Variants in ADARB1 observed in about 807,000 individuals in gnomAD.
ADARB1 encodes double-stranded RNA-specific editase 1.
A neutral mutation model predicts 52.4 loss-of-function variants in ADARB1; 10 were observed. That is an observed-to-expected ratio of 0.19 (90% CI 0.12 to 0.32). The LOEUF (loss-of-function observed/expected upper bound fraction) is 0.32, where lower values mean the gene tolerates loss of function less well. Among genes scored for constraint, ADARB1 ranks in the 10% least tolerant of loss-of-function variants. ADARB1 has a pLI of 1.00. For synonymous variants in ADARB1, 349 were observed against 371.1 expected (o/e 0.94, Z 0.68); for missense variants, 643 against 922.3 (o/e 0.70, Z 3.92).
At chr21:45,145,692 T>C (rs913982593) in intron 2 of ADARB1, 4 of 152,262 alleles carry the variant, frequency 2.6e-5, no homozygotes, top group African/African-American at 9.6e-5. Flanking sequence ...ACAGAACAAC[T>C]GCCTTCATTG....
intron 1 of ADARB1, among the ~76,000 whole-genome samples, chr21:45,116,767 C>G (rs2087849827): frequency 6.6e-6 from 1 of 152,230 alleles, no homozygotes; most frequent in Admixed American, 6.5e-5. Flanking sequence ...ATCACGAAAA[C>G]AGCATGAGGG....
chr21:45,183,618 T>C, intron 7 of ADARB1, 108 bp downstream of exon 7: 3 of 1,282,078 alleles, frequency 2.3e-6, no homozygotes, highest in Non-Finnish European at 3.2e-6. Flanking sequence ...ATTTTTAGAC[T>C]TGGATGTGGA....
intron 1 of ADARB1, among the ~76,000 whole-genome samples, chr21:45,079,358 A>T (rs536172319): frequency 6.6e-6 from 1 of 152,382 alleles, no homozygotes; most frequent in African/African-American, 2.4e-5. Flanking sequence ...AAAAAGGAAA[A>T]TACAAGTAAA....
intron 8 of ADARB1, among the ~76,000 whole-genome samples, chr21:45,198,554 TAGA>T (rs2092479501): frequency 6.7e-6 from 1 of 148,398 alleles, no homozygotes; most frequent in Admixed American, 6.7e-5. Flanking sequence ...ATTAAGAAAA[TAGA>T]AGGAAGGAGA....
intron 1 of ADARB1, among the ~76,000 whole-genome samples, chr21:45,091,820 C>T (rs185833356): frequency 5.1e-4 from 78 of 152,278 alleles, no homozygotes; most frequent in Non-Finnish European, 8.5e-4. Context: ...CGAGTTTAAC[C>T]GTGGGCTAGG....
intron 2 of ADARB1, among the ~76,000 whole-genome samples, chr21:45,139,803 T>G (rs193122264): frequency 2.6e-5 from 4 of 152,342 alleles, no homozygotes; most frequent in African/African-American, 9.6e-5. Context: ...TCATTCTTCT[T>G]GAAATATGTG....
intron 9 of ADARB1, among the ~76,000 whole-genome samples, chr21:45,212,796 T>C (rs959725199): frequency 6.6e-6 from 1 of 151,910 alleles, no homozygotes; most frequent in African/African-American, 2.4e-5. Context: ...ATCAAACTTA[T>C]GAGGAAAATA....
intron 1 of ADARB1, among the ~76,000 whole-genome samples, chr21:45,095,848 C>G (rs2086736632): frequency 6.6e-6 from 1 of 152,172 alleles, no homozygotes; most frequent in South Asian, 2.1e-4. Context: ...GTAAGGGTCT[C>G]CCACAGCCAG....
chr21:45,221,940 T>G lies in ADARB1; in HGVS notation c.1927-78T>G. 6.8e-7 allele frequency: 1 copy of G among 1,481,176 alleles called. No homozygotes were observed. Among genetic ancestry groups the G allele is most frequent in the Non-Finnish European group, 9.3e-7 (1 of 1,080,462 alleles). 91.8% of individuals were successfully genotyped at this position (1,481,176 alleles called of 1,614,324 possible). On this transcript the variant is annotated intron_variant, in intron 10 of 10. Transcript: ENST00000348831. This position sits in a 1 kb window ranked among gnomAD's most constrained non-coding sequence, Gnocchi z 4.9. ...GAAGCCAATGCAGTTCTGAAGGCCA[T>G]GTTTTGGTATCTTATTAGGTGTTGT...
At position 45,176,228 on chromosome 21, in the gene ADARB1, T is replaced by C; in HGVS notation, c.527T>C (p.Leu176Pro). ...TSDQADFPDT[L>P]FNGFETPDKA... is the part of the protein sequence containing the mutation. ...GACCAGGCCGACTTCCCTGACACGC[T>C]CTTCAATGGTTTTGAAACTCCTGAC... Residue 176 changes from leucine (L) to proline (P), a missense_variant, in exon 4 of 11, where the codon CTC becomes CCC. Leu to Pro is a moderately conservative substitution (Grantham distance 98). Transcript: ENST00000348831. The surrounding 1 kb of genome is among the most constrained non-coding windows in gnomAD (Gnocchi z 5.8). The C allele has an allele frequency of 6.2e-7, 1 of 1,614,204 alleles. No homozygotes were observed. The highest frequency in any genetic ancestry group is 8.5e-7 in the Non-Finnish European group (1 of 1,180,030).
At chr21:45,175,671 T>C (rs972299463) in intron 3 of ADARB1, 59 bp from the exon 4 acceptor site, 2 of 1,536,994 alleles carry the variant, frequency 1.3e-6, no homozygotes, top group Non-Finnish European at 1.8e-6. Context: ...TCTATAAATT[T>C]TGCATTTACA....
At chr21:45,119,113 A>G (rs1289836792) in intron 1 of ADARB1, among the ~76,000 whole-genome samples, 2 of 152,174 alleles carry the variant, frequency 1.3e-5, no homozygotes, top group African/African-American at 4.8e-5. Context: ...ATTTAGAGGC[A>G]GGGTCTCGCT....
chr21:45,160,258 G>T lies in ADARB1; in HGVS notation c.-47-11352G>T, dbSNP rs527470393. Among the ~76,000 whole-genome samples, 8 of 152,364 alleles carry T rather than the reference G, an allele frequency of 5.3e-5. No homozygotes were observed. In the South Asian group the frequency reaches 1.7e-3, roughly 32 times the overall value. ...GGAATTAACCTCCATCATTTTCACA[G>T]ATCCTCGTAGAGCTGGACCGAAGGA... On this transcript the variant is annotated intron_variant, in intron 2 of 10. Transcript: ENST00000348831.
chr21:45,077,902 G>A (rs552600505), intron 1 of ADARB1, among the ~76,000 whole-genome samples: 1 of 152,296 alleles, frequency 6.6e-6, no homozygotes, highest in South Asian at 2.1e-4. Flanking sequence ...TTTCCAAGTT[G>A]ACAGCTTTTT....
At chr21:45,074,993 C>G (rs1378302555) in intron 1 of ADARB1, among the ~76,000 whole-genome samples, 200 bp downstream of exon 1, 2 of 151,226 alleles carry the variant, frequency 1.3e-5, no homozygotes, top group Non-Finnish European at 3.0e-5. Flanking sequence ...CCCGTCTGCT[C>G]CGGCGCTCGG....
At chr21:45,185,364 G>A (rs1258136829) in intron 8 of ADARB1, among the ~76,000 whole-genome samples, 1 of 152,194 alleles carries the variant, frequency 6.6e-6, no homozygotes, top group Non-Finnish European at 1.5e-5. Context: ...GTGGGCTTCT[G>A]GGTTAAACTG....
chr21:45,152,586 C>A, intron 2 of ADARB1: 1 of 384,194 alleles, frequency 2.6e-6, no homozygotes, highest in Non-Finnish European at 5.4e-6. Flanking sequence ...TGGGGCCGGC[C>A]GGACTGGCAT....
intron 2 of ADARB1, among the ~76,000 whole-genome samples, chr21:45,169,212 G>A (rs2091382802): frequency 6.6e-6 from 1 of 152,224 alleles, no homozygotes; most frequent in Admixed American, 6.5e-5. Flanking sequence ...GAGCCTGGTG[G>A]AAATGAAGAT....
intron 1 of ADARB1, among the ~76,000 whole-genome samples, chr21:45,119,959 G>A (rs912499104): frequency 3.3e-5 from 5 of 152,368 alleles, no homozygotes; most frequent in South Asian, 2.1e-4. Flanking sequence ...TGAGGATGAG[G>A]ACTTTGTGGC....
Sources: allele counts gnomAD v4.1 joint callset (sites outside exome capture counted in the v4.1 genomes callset), GRCh38; gene constraint gnomAD v4.1.1; non-coding constraint Gnocchi (gnomAD v3.1); transcripts MANE v1.5; gene names NCBI Gene and HGNC (gene_info 2026-07-23, HGNC 2026-07-21).